Variants in WDFY4 observed in about 807,000 individuals in gnomAD.
WDFY4 encodes the protein WD repeat- and FYVE domain-containing protein 4.
In WDFY4, 169 loss-of-function variants were observed where a neutral mutation model predicts 351.9. The ratio of observed to expected loss-of-function variants is 0.48; its 90% CI spans 0.42 to 0.55. WDFY4 has a LOEUF of 0.55. Ranked by LOEUF, WDFY4 falls within the 20% of genes least tolerant of loss-of-function variation. The pLI is 0.00. For synonymous variants in WDFY4, 1,622 were observed against 1,574.6 expected (o/e 1.03, Z -0.71); for missense variants, 3,803 against 3,935.6 (o/e 0.97, Z 0.90).
At chr10:48,699,268 A>G (rs10857619) in intron 1 of WDFY4, among the ~76,000 whole-genome samples, 83,102 of 151,992 alleles carry the variant, frequency 0.55, 23,158 homozygotes, top group East Asian at 0.71. Flanking sequence ...GAGATCACAC[A>G]CTCAGTGTTC....
chr10:48,874,653 A>C (rs1000675794), intron 41 of WDFY4, among the ~76,000 whole-genome samples: 11 of 152,274 alleles, frequency 7.2e-5, no homozygotes, highest in African/African-American at 2.6e-4. Flanking sequence ...GGAAGCAAAA[A>C]AAAATAAAAA....
At chr10:48,695,905 G>C (rs570880610) in intron 1 of WDFY4, among the ~76,000 whole-genome samples, 1 of 152,264 alleles carries the variant, frequency 6.6e-6, no homozygotes, top group South Asian at 2.1e-4. Context: ...GTGAGTTCCT[G>C]TATTCCGTTG....
intron 36 of WDFY4, 61 bp downstream of exon 36, chr10:48,826,970 G>C: frequency 7.2e-7 from 1 of 1,395,210 alleles, no homozygotes; most frequent in Non-Finnish European, 9.9e-7. Context: ...GAGAGATTTA[G>C]AGGAAAGCTT....
chr10:48,843,858 A>G (rs1375156380), intron 39 of WDFY4, among the ~76,000 whole-genome samples: 2 of 152,238 alleles, frequency 1.3e-5, no homozygotes, highest in Non-Finnish European at 2.9e-5. Context: ...ATGAGGAAAC[A>G]CATTTTTGTG....
At chr10:48,964,089 A>T in intron 54 of WDFY4, 35 bp downstream of exon 54, 2 of 1,545,136 alleles carry the variant, frequency 1.3e-6, no homozygotes, top group Non-Finnish European at 1.7e-6. Context: ...TTGCTTTCTC[A>T]AAAGAGTGTG....
intron 47 of WDFY4, among the ~76,000 whole-genome samples, chr10:48,915,775 C>T (rs1236864816): frequency 1.3e-5 from 2 of 152,146 alleles, no homozygotes; most frequent in Non-Finnish European, 2.9e-5. Context: ...AGATGGTGGT[C>T]TCCACAGTAA....
intron 49 of WDFY4, among the ~76,000 whole-genome samples, chr10:48,943,980 C>T (rs1840916981): frequency 6.6e-6 from 1 of 152,240 alleles, no homozygotes; most frequent in Non-Finnish European, 1.5e-5. Context: ...ATCAACACAA[C>T]TAACATAGTT....
At chr10:48,803,194 A>T (rs1037827134) in intron 24 of WDFY4, 92 bp from the exon 25 acceptor site, 1 of 1,230,784 alleles carries the variant, frequency 8.1e-7, no homozygotes, top group Admixed American at 2.0e-5. Context: ...ACGTCAGAGG[A>T]TCACCTGTCC....
chr10:48,926,994 G>A (rs1331207563), intron 47 of WDFY4, among the ~76,000 whole-genome samples: 1 of 152,198 alleles, frequency 6.6e-6, no homozygotes, highest in Non-Finnish European at 1.5e-5. Context: ...ATTGCCCAGG[G>A]ACATTGGCCA....
At chr10:48,930,496 G>A (rs1356205794) in intron 47 of WDFY4, among the ~76,000 whole-genome samples, 1 of 152,140 alleles carries the variant, frequency 6.6e-6, no homozygotes, top group Non-Finnish European at 1.5e-5. Flanking sequence ...CCTTAACTGG[G>A]TTAGGCCAAG....
chr10:48,901,689 C>G (rs1056455621), intron 46 of WDFY4, 112 bp from the exon 47 acceptor site: 2 of 1,173,180 alleles, frequency 1.7e-6, no homozygotes, highest in Admixed American at 2.0e-5. Flanking sequence ...CAGGATGGAG[C>G]GAGGGGGAGC....
At chr10:48,815,091 A>G (rs1379313404) in intron 31 of WDFY4, among the ~76,000 whole-genome samples, 1 of 152,208 alleles carries the variant, frequency 6.6e-6, no homozygotes, top group Non-Finnish European at 1.5e-5. Context: ...GATGTAGTAT[A>G]GCAGGTCAAA....
intron 1 of WDFY4, among the ~76,000 whole-genome samples, chr10:48,704,745 C>T (rs2063577531): frequency 6.6e-6 from 1 of 152,222 alleles, no homozygotes; most frequent in South Asian, 2.1e-4. Context: ...GCTCTGGTCA[C>T]CGACTGGCGA....
intron 51 of WDFY4, among the ~76,000 whole-genome samples, chr10:48,955,097 G>A (rs376542392): frequency 1.3e-5 from 2 of 152,270 alleles, no homozygotes; most frequent in South Asian, 2.1e-4. Flanking sequence ...TCAATCTCCC[G>A]CAGATGCAAG....
intron 7 of WDFY4, 45 bp downstream of exon 7, chr10:48,727,704 G>T: frequency 6.5e-7 from 1 of 1,541,972 alleles, no homozygotes; most frequent in Non-Finnish European, 8.8e-7. Flanking sequence ...GACCACCAAA[G>T]CCTTAGTCCT....
At chr10:48,913,419 A>C (rs377553914) in intron 47 of WDFY4, 1 of 1,611,466 alleles carries the variant, frequency 6.2e-7, no homozygotes, top group South Asian at 1.1e-5. Flanking sequence ...GTCCTTGGCC[A>C]TGGAATTGGG....
chr10:48,800,758 G>A (rs1433095376), intron 24 of WDFY4, among the ~76,000 whole-genome samples: 6 of 118,356 alleles, frequency 5.1e-5, no homozygotes, highest in African/African-American at 2.0e-4. Context: ...TTTGAGATGA[G>A]GTCTCACTCT....
chr10:48,827,367 T>C (rs2068042378), intron 36 of WDFY4, among the ~76,000 whole-genome samples: 1 of 151,602 alleles, frequency 6.6e-6, no homozygotes, highest in African/African-American at 2.4e-5. Flanking sequence ...TAAAATCACA[T>C]CCATAAAAAT....
At chr10:48,929,800 G>A (rs1469140575) in intron 47 of WDFY4, among the ~76,000 whole-genome samples, 3 of 152,084 alleles carry the variant, frequency 2.0e-5, no homozygotes, top group African/African-American at 7.2e-5. Flanking sequence ...TTCCGGCTGG[G>A]CTGACAGCCT....
Sources: gnomAD v4.1 joint callset for allele counts (sites outside exome capture counted in the v4.1 genomes callset) on GRCh38, gnomAD v4.1.1 for gene constraint, MANE v1.5 for transcripts, NCBI Gene and HGNC (gene_info 2026-07-23, HGNC 2026-07-21) for gene names.